Variants in SGCD observed in about 807,000 individuals in gnomAD.
SGCD encodes the protein delta-sarcoglycan.
Under a neutral mutation model 36.6 loss-of-function variants are expected in SGCD, and 18 were observed. The observed-to-expected ratio is 0.49, with a 90% CI of 0.34 to 0.73. The LOEUF is 0.73. SGCD is among the 30% of genes least tolerant of loss of function. The probability of loss-of-function intolerance (pLI) is 0.01; values close to 1 mark genes in which losing one functional copy is unlikely to be tolerated. For missense variants in SGCD, 387 were observed against 346.7 expected, an observed-to-expected ratio of 1.12 and a Z score of -0.92; for synonymous variants, 133 against 130.6, an observed-to-expected ratio of 1.02 and a Z score of -0.12.
chr5:155,864,127 T>C, the SGCD span, among the ~76,000 whole-genome samples: 1 of 152,176 alleles, frequency 6.6e-6, no homozygotes, highest in Non-Finnish European at 1.5e-5. Flanking sequence ...AACTGAGGGA[T>C]TTCTGGGGGA....
intron 3 of SGCD, among the ~76,000 whole-genome samples, chr5:156,425,171 T>G (rs577202390): frequency 6.6e-6 from 1 of 152,186 alleles, no homozygotes; most frequent in East Asian, 1.9e-4. Flanking sequence ...TTGCCCATTT[T>G]GTTTTCATTA....
chr5:156,394,132 G>A (rs1279305055), intron 3 of SGCD, among the ~76,000 whole-genome samples: 1 of 152,204 alleles, frequency 6.6e-6, no homozygotes. Flanking sequence ...CACAGTAGGT[G>A]GAGGATAACC....
At chr5:155,750,629 T>TGAG in the SGCD span, among the ~76,000 whole-genome samples, 1 of 152,244 alleles carries the variant, frequency 6.6e-6, no homozygotes, top group Non-Finnish European at 1.5e-5. Context: ...TGAGAATTTC[T>TGAG]AAAACATGCC....
chr5:156,333,205 A>G (rs1011522426), intron 2 of SGCD, among the ~76,000 whole-genome samples: 3 of 152,206 alleles, frequency 2.0e-5, no homozygotes, highest in African/African-American at 4.8e-5. Flanking sequence ...TACTGGATCA[A>G]TTCTAATTTT....
the SGCD span, among the ~76,000 whole-genome samples, chr5:155,762,152 T>C: frequency 6.6e-6 from 1 of 152,196 alleles, no homozygotes; most frequent in Admixed American, 6.5e-5. Flanking sequence ...ATACAATTTG[T>C]TCTTTTTCTG....
At chr5:155,992,402 A>G (rs1273720367) in intron 1 of SGCD, among the ~76,000 whole-genome samples, 3 of 152,144 alleles carry the variant, frequency 2.0e-5, no homozygotes, top group Non-Finnish European at 4.4e-5. Flanking sequence ...TCTCTTTTTA[A>G]TAAGGAAAAA....
chr5:156,512,733 T>C (rs1756998637), intron 4 of SGCD, among the ~76,000 whole-genome samples: 2 of 152,224 alleles, frequency 1.3e-5, no homozygotes, highest in African/African-American at 4.8e-5. Context: ...TCACCCCTGA[T>C]AATTTCTCCT....
the SGCD span, among the ~76,000 whole-genome samples, chr5:155,762,649 C>T: frequency 6.6e-6 from 1 of 152,162 alleles, no homozygotes; most frequent in Non-Finnish European, 1.5e-5. Flanking sequence ...CACCCAGGTA[C>T]AAGGTCACCC....
chr5:156,074,919 G>A (rs560544700), intron 1 of SGCD, among the ~76,000 whole-genome samples: 1 of 152,276 alleles, frequency 6.6e-6, no homozygotes, highest in South Asian at 2.1e-4. Flanking sequence ...CACATATCAT[G>A]GTAATCATGT....
At chr5:155,846,522 G>C in the SGCD span, among the ~76,000 whole-genome samples, 2 of 152,076 alleles carry the variant, frequency 1.3e-5, no homozygotes, top group Non-Finnish European at 2.9e-5. Context: ...GTCATCACTC[G>C]TGGTTAGGGA....
chr5:155,933,373 T>C (rs1757134632), intron 1 of SGCD, among the ~76,000 whole-genome samples: 1 of 152,236 alleles, frequency 6.6e-6, no homozygotes, highest in African/African-American at 2.4e-5. Context: ...GAAACTGCAA[T>C]GCTCAATTAC....
At chr5:156,410,731 C>G (rs1216224653) in intron 3 of SGCD, among the ~76,000 whole-genome samples, 4 of 152,220 alleles carry the variant, frequency 2.6e-5, no homozygotes, top group Admixed American at 1.3e-4. Context: ...CATGGTTTAG[C>G]CTTTATCTCT....
At chr5:156,197,879 G>A (rs1764057470) in intron 3 of SGCD, among the ~76,000 whole-genome samples, 1 of 152,046 alleles carries the variant, frequency 6.6e-6, no homozygotes, top group African/African-American at 2.4e-5. Flanking sequence ...TGTACATATG[G>A]AATGATTAAA....
chr5:155,961,469 C>T (rs146888064), intron 1 of SGCD, among the ~76,000 whole-genome samples: 38 of 152,054 alleles, frequency 2.5e-4, no homozygotes, highest in African/African-American at 8.4e-4. Flanking sequence ...TGTAAATATC[C>T]AGGTAACCAG....
chr5:156,104,421 G>T (rs1330358363), intron 1 of SGCD, among the ~76,000 whole-genome samples: 2 of 152,130 alleles, frequency 1.3e-5, no homozygotes, highest in Non-Finnish European at 2.9e-5. Context: ...AAGCCCCCTT[G>T]TTGAGTTACA....
At chr5:156,348,889 G>C (rs1769092437) in intron 3 of SGCD, among the ~76,000 whole-genome samples, 1 of 152,036 alleles carries the variant, frequency 6.6e-6, no homozygotes, top group African/African-American at 2.4e-5. Flanking sequence ...GCATAATACT[G>C]CTATAAAAGT....
chr5:156,338,306 A>T (rs1020144779), intron 2 of SGCD, among the ~76,000 whole-genome samples: 1 of 152,208 alleles, frequency 6.6e-6, no homozygotes, highest in African/African-American at 2.4e-5. Context: ...GCCCTGTGGG[A>T]ACAAAGATGC....
intron 6 of SGCD, among the ~76,000 whole-genome samples, chr5:156,631,505 A>C (rs1467810307): frequency 6.6e-6 from 1 of 151,172 alleles, no homozygotes. Context: ...TCAACATCTA[A>C]GAACATACTC....
At chr5:156,496,520 G>C (rs1453553518) in intron 3 of SGCD, among the ~76,000 whole-genome samples, 1 of 152,126 alleles carries the variant, frequency 6.6e-6, no homozygotes, top group Non-Finnish European at 1.5e-5. Context: ...GGCTAATAGA[G>C]ACTTTTCATC....
Sources: gnomAD v4.1 joint callset for allele counts (sites outside exome capture counted in the v4.1 genomes callset) on GRCh38, gnomAD v4.1.1 for gene constraint, MANE v1.5 for transcripts, NCBI Gene and HGNC (gene_info 2026-07-23, HGNC 2026-07-21) for gene names.